Variants in C19orf44 observed in about 807,000 individuals in gnomAD.
The protein encoded by C19orf44 is uncharacterized protein C19orf44.
A neutral mutation model predicts 50.7 loss-of-function variants in C19orf44; 43 were observed. That is an observed-to-expected ratio of 0.85 (90% confidence interval 0.66 to 1.09). The LOEUF is 1.09. Ranked by LOEUF, C19orf44 falls within the 50% of genes least tolerant of loss-of-function variation. The pLI is 0.00. For synonymous variants in C19orf44, 298 were observed against 334.7 expected, an observed-to-expected ratio of 0.89 and a Z score of 1.20; for missense variants, 722 against 836.2, an observed-to-expected ratio of 0.86 and a Z score of 1.68.
chr19:16,502,942 G>A, intron 2 of C19orf44, 123 bp from the exon 3 acceptor site: 3 of 842,656 alleles, frequency 3.6e-6, no homozygotes, highest in Non-Finnish European at 5.4e-6. Context: ...GTGAGCTATT[G>A]AGCCACTGCC....
chr19:16,509,422 T>C, intron 4 of C19orf44, 77 bp from the exon 5 acceptor site: 1 of 1,510,436 alleles, frequency 6.6e-7, no homozygotes, highest in Non-Finnish European at 8.9e-7. Flanking sequence ...GGTCCCCAGC[T>C]CCTAGGAGTG....
At chr19:16,514,411 G>A in intron 6 of C19orf44, 86 bp from the exon 7 acceptor site, 1 of 1,338,958 alleles carries the variant, frequency 7.5e-7, no homozygotes, top group East Asian at 2.5e-5. Context: ...ATTTCAGAGA[G>A]CAGCCTGGCA....
chr19:16,509,994 C>T lies in C19orf44; in HGVS notation c.1639+6C>T. The T allele has an allele frequency of 1.2e-6, 2 of 1,614,086 alleles. No individual in the cohort carries two copies. Among genetic ancestry groups the T allele is most frequent in the Non-Finnish European group, 8.5e-7 (1 of 1,179,952 alleles). On this transcript the variant is annotated splice_donor_region_variant and intron_variant, in intron 5 of 8. Transcript: ENST00000221671. ...CACCTACGAGTGGACCAAGGGTAAGCCTTGGGGCCCGTGGGGGCCGGGGCA... is the reference window on the plus strand; with the variant it reads ...CACCTACGAGTGGACCAAGGGTAAGTCTTGGGGCCCGTGGGGGCCGGGGCA...
chr19:16,518,768 G>T, intron 8 of C19orf44: 1 of 239,128 alleles, frequency 4.2e-6, no homozygotes, highest in South Asian at 5.0e-5. Context: ...CTCTGGCTCA[G>T]GCCAACCCTT....
intron 7 of C19orf44, among the ~76,000 whole-genome samples, chr19:16,516,074 A>C (rs751064052): frequency 1.3e-5 from 2 of 152,188 alleles, no homozygotes; most frequent in African/African-American, 2.4e-5. Flanking sequence ...CTGGGATTAT[A>C]GGCGTGAGCC....
rs995527623 is a variant in C19orf44 at position 16,509,531 on chromosome 19, C to T, written c.1182C>T (p.Gly394=). ...GTGCTCAGAGACAAAAAACAGCTGG[C>T]AAAATCTTCAGAGCCGAGGCGTCCA... ...EESAQRQKTA[G]KIFRAEASTG... is the part of the protein sequence containing the mutation. Residue 394 remains glycine, a synonymous_variant, in exon 5 of 9, where the codon GGC becomes GGT. Coordinates refer to ENST00000221671, the MANE Select transcript of C19orf44 (RefSeq NM_032207.4). 33 of 1,550,316 alleles carry T rather than the reference C, an allele frequency of 2.1e-5. No homozygotes were observed. The highest frequency in any genetic ancestry group is 2.9e-5 in the Non-Finnish European group (33 of 1,152,388).
Position 16,514,609 on chromosome 19 carries a change from G to C in C19orf44, c.1848G>C (p.Leu616=). 1.2e-6 allele frequency: 2 copies of C among 1,600,678 alleles called. No individual in the cohort carries two copies. Among genetic ancestry groups the C allele is most frequent in the South Asian group, 2.2e-5 (2 of 89,074 alleles). ...QASRHLHASL[L]RSLDADSFHY... ...GCCGGCACCTGCACGCCTCCCTCCT[G>C]CGCTCCCTGGACGCGGACTCCTTCC... Residue 616 remains leucine (L), a synonymous_variant, in exon 7 of 9, where the codon CTG becomes CTC. Transcript: ENST00000221671.
intron 3 of C19orf44, among the ~76,000 whole-genome samples, chr19:16,505,798 C>T (rs1378251378): frequency 1.3e-5 from 2 of 152,114 alleles, no homozygotes; most frequent in Non-Finnish European, 2.9e-5. Context: ...TTTCCTGCCT[C>T]AGCCTCCTGA....
chr19:16,520,687 T>G lies in C19orf44; in HGVS notation c.*634T>G. 1 of 1,143,612 alleles carries G rather than the reference T, an allele frequency of 8.7e-7. No homozygotes were observed. Among genetic ancestry groups the G allele is most frequent in the South Asian group, 1.3e-5 (1 of 76,754 alleles). The allele number at this position is 1,143,612 out of a possible 1,614,324, so 70.8% of individuals were successfully genotyped here. ...TGGCCGAGCCTGCTGCTGTGTGAAT[T>G]CAGGCCTTGTGGAAAACACCGCCCC... On this transcript the variant is annotated 3_prime_UTR_variant, in exon 9 of 9. Coordinates refer to ENST00000221671, the MANE Select transcript of C19orf44 (RefSeq NM_032207.4). The surrounding 1 kb of genome is among the most constrained non-coding windows in gnomAD (Gnocchi z 4.0).
At chr19:16,507,412 T>C (rs528202625) in intron 4 of C19orf44, among the ~76,000 whole-genome samples, 1 of 152,328 alleles carries the variant, frequency 6.6e-6, no homozygotes, top group South Asian at 2.1e-4. Flanking sequence ...ACGTGTTGGT[T>C]ATACACAGTG....
rs1162957386 is a variant in C19orf44, at chr19:16,520,712, C to G, written c.*659C>G. 2.5e-6 allele frequency: 3 copies of G among 1,217,812 alleles called. No homozygotes were observed. In the East Asian group the frequency reaches 7.0e-5, roughly 28 times the overall value. The allele number at this position is 1,217,812 out of a possible 1,614,324, so 75.4% of individuals were successfully genotyped here. A position where few individuals can be genotyped will look rare whatever the true frequency, so the allele number is the denominator to read the frequency against. On this transcript the variant is annotated 3_prime_UTR_variant, in exon 9 of 9. Transcript: ENST00000221671. This position sits in a 1 kb window ranked among gnomAD's most constrained non-coding sequence, Gnocchi z 4.0. ...TCAGGCCTTGTGGAAAACACCGCCC[C>G]ATAGGCACAGGCTGTGTGAGGGTGG...
chr19:16,503,813 C>T (rs1370075439), intron 3 of C19orf44, among the ~76,000 whole-genome samples: 5 of 152,268 alleles, frequency 3.3e-5, no homozygotes, highest in South Asian at 2.1e-4. Context: ...GATCTGCCTG[C>T]CTTGGCCTCC....
chr19:16,519,614 G>T lies in C19orf44; in HGVS notation c.*41-480G>T. 6.2e-7 allele frequency: 1 copy of T among 1,612,908 alleles called. No homozygotes were observed. Among genetic ancestry groups the T allele is most frequent in the Non-Finnish European group, 8.5e-7 (1 of 1,179,022 alleles). ...CATCCCGCGCCCTCCCCATTCCCTC[G>T]CCTTACCCATCTTCACCAGCATCTG... On this transcript the variant is annotated intron_variant, in intron 8 of 8. Transcript: ENST00000221671. The surrounding 1 kb of genome is among the most constrained non-coding windows in gnomAD (Gnocchi z 6.0).
chr19:16,497,171 C>T (rs1298386885), intron 1 of C19orf44, among the ~76,000 whole-genome samples: 2 of 151,972 alleles, frequency 1.3e-5, no homozygotes, highest in Non-Finnish European at 2.9e-5. Flanking sequence ...TGGTCTCGAA[C>T]TCCTGACCTC....
chr19:16,520,336 G>A lies in C19orf44; in HGVS notation c.*283G>A, dbSNP rs74909346. The A allele has an allele frequency of 0.061, 97,728 of 1,613,476 alleles. 3,414 individuals are homozygous for A. The highest frequency in any genetic ancestry group is 0.07 in the South Asian group (6,361 of 91,056). On this transcript the variant is annotated 3_prime_UTR_variant, in exon 9 of 9. Transcript: ENST00000221671. The surrounding 1 kb of genome is among the most constrained non-coding windows in gnomAD (Gnocchi z 4.0). ...GGGAGGCCACAGGAAGAGGCCTCAGGCACTGCCCTGAGGCAGCCTCTGCCT... is the reference window on the plus strand; with the variant it reads ...GGGAGGCCACAGGAAGAGGCCTCAGACACTGCCCTGAGGCAGCCTCTGCCT...
At position 16,509,975 on chromosome 19, in the gene C19orf44, C is replaced by T. The variant is rs142240474; in HGVS notation, c.1626C>T (p.Tyr542=). The change falls in exon 5 of 9, where the codon TAC becomes TAT. Residue 542 remains tyrosine, a synonymous_variant. Coordinates refer to ENST00000221671, the MANE Select transcript of C19orf44 (RefSeq NM_032207.4). ...AGACGCCAGATCCTGCCTTCACCTA[C>T]GAGTGGACCAAGGGTAAGCCTTGGG... The part of the protein sequence containing the change: ...AVQTPDPAFT[Y]EWTKVASMAA... 23 of 1,614,096 alleles carry T rather than the reference C, an allele frequency of 1.4e-5. No homozygotes were observed. The highest frequency in any genetic ancestry group is 1.2e-4 in the African/African-American group (9 of 74,940).
intron 6 of C19orf44, 97 bp downstream of exon 6, chr19:16,513,206 A>G: frequency 1.6e-6 from 2 of 1,243,438 alleles, no homozygotes; most frequent in Non-Finnish European, 2.3e-6. Flanking sequence ...CACCCCTTGC[A>G]TGCTGGCTTC....
intron 5 of C19orf44, among the ~76,000 whole-genome samples, chr19:16,512,249 C>A (rs1450872029): frequency 6.6e-6 from 1 of 152,078 alleles, no homozygotes; most frequent in Non-Finnish European, 1.5e-5. Flanking sequence ...CTCTGCACTT[C>A]TGTCCATATT....
Position 16,520,044 on chromosome 19 carries a change from G to C in C19orf44, c.*41-50G>C, listed in dbSNP as rs1301934645. 5.0e-6 allele frequency: 6 copies of C among 1,201,522 alleles called. No homozygotes were observed. Among genetic ancestry groups the C allele is most frequent in the Non-Finnish European group, 7.2e-6 (6 of 832,144 alleles). 74.4% of individuals were successfully genotyped at this position (1,201,522 alleles called of 1,614,324 possible). On this transcript the variant is annotated intron_variant, in intron 8 of 8. Coordinates refer to ENST00000221671, the MANE Select transcript of C19orf44 (RefSeq NM_032207.4). The surrounding 1 kb of genome is among the most constrained non-coding windows in gnomAD (Gnocchi z 4.0). ...GTGCCACTGTCCCCGGGCTAATGCT[G>C]GCGGCCTCCTAACACAGTCTCCTAA...
Sources: gnomAD v4.1 joint callset for allele counts (sites outside exome capture counted in the v4.1 genomes callset) on GRCh38, gnomAD v4.1.1 for gene constraint, Gnocchi (gnomAD v3.1) non-coding constraint, MANE v1.5 for transcripts, NCBI Gene and HGNC (gene_info 2026-07-23, HGNC 2026-07-21) for gene names.